The following FRMD4A variants were observed in gnomAD, a reference collection of about 807,000 sequenced individuals.
The protein encoded by FRMD4A is FERM domain containing 4A, also known as FERM domain-containing protein 4A.
FRMD4A carries 29 observed loss-of-function variants against 129.1 expected under a neutral mutation model. The ratio of observed to expected loss-of-function variants is 0.22; its 90% CI spans 0.17 to 0.31. FRMD4A has a LOEUF of 0.31. FRMD4A is among the 10% of genes least tolerant of loss of function. The pLI is 1.00. For missense variants in FRMD4A, 1,272 were observed against 1,375.8 expected (o/e 0.92, Z 1.19); for synonymous variants, 634 against 571.6 (o/e 1.11, Z -1.56).
chr10:14,080,407 G>A (rs115449630), intron 2 of FRMD4A, among the ~76,000 whole-genome samples: 3,681 of 152,196 alleles, frequency 0.024, 53 homozygotes, highest in African/African-American at 0.05. Flanking sequence ...AGGGGTTAAT[G>A]TAGGAAGGGA....
intron 3 of FRMD4A, among the ~76,000 whole-genome samples, chr10:13,853,259 C>T (rs79449080): frequency 2.4e-4 from 37 of 152,224 alleles, no homozygotes; most frequent in African/African-American, 8.4e-4. Flanking sequence ...AAGGGCCGGG[C>T]GTGTTGGCAG....
chr10:14,309,971 A>T (rs947538835), intron 2 of FRMD4A, among the ~76,000 whole-genome samples: 2 of 151,294 alleles, frequency 1.3e-5, no homozygotes, highest in Non-Finnish European at 2.9e-5. Context: ...ACCCCCAGCA[A>T]GACTGGCCGT....
intron 2 of FRMD4A, chr10:14,097,163 A>AG (rs1837019443): frequency 1.1e-5 from 1 of 93,836 alleles, no homozygotes; most frequent in South Asian, 3.2e-4. Flanking sequence ...AAAAAAAAAA[A>AG]AAAAGAAAAG....
At chr10:14,053,081 A>G (rs1834340836) in intron 2 of FRMD4A, among the ~76,000 whole-genome samples, 1 of 152,182 alleles carries the variant, frequency 6.6e-6, no homozygotes, top group Non-Finnish European at 1.5e-5. Context: ...ACATCCTCCT[A>G]AGTGCTCCCA....
At chr10:13,671,969 G>A (rs188618032) in intron 16 of FRMD4A, among the ~76,000 whole-genome samples, 22 of 152,384 alleles carry the variant, frequency 1.4e-4, no homozygotes, top group Non-Finnish European at 2.2e-4. Flanking sequence ...TTTTGCGCAG[G>A]GCAGCCCAGG....
chr10:14,033,554 G>A (rs902938977), intron 2 of FRMD4A, among the ~76,000 whole-genome samples: 15 of 152,146 alleles, frequency 9.9e-5, no homozygotes, highest in African/African-American at 2.4e-4. Context: ...AGAGGCTGAG[G>A]CGAGTGGATC....
chr10:13,835,370 C>G (rs1201008104), intron 3 of FRMD4A, among the ~76,000 whole-genome samples: 1 of 152,128 alleles, frequency 6.6e-6, no homozygotes, highest in East Asian at 1.9e-4. Flanking sequence ...GGTTATATAC[C>G]TTTACATATA....
At chr10:14,243,891 A>G (rs1423159170) in intron 2 of FRMD4A, among the ~76,000 whole-genome samples, 1 of 151,812 alleles carries the variant, frequency 6.6e-6, no homozygotes, top group Non-Finnish European at 1.5e-5. Context: ...TCAAATAGGC[A>G]TTAAGAAGAA....
At chr10:13,942,264 ACT>A (rs2095298127) in intron 2 of FRMD4A, among the ~76,000 whole-genome samples, 1 of 152,204 alleles carries the variant, frequency 6.6e-6, no homozygotes, top group Non-Finnish European at 1.5e-5. Flanking sequence ...CATCGCAGGC[ACT>A]GTCTTGACAT....
intron 17 of FRMD4A, among the ~76,000 whole-genome samples, chr10:13,669,057 GTTT>G (rs56706198): frequency 1.9e-4 from 19 of 97,460 alleles, no homozygotes; most frequent in African/African-American, 6.4e-4. Flanking sequence ...CTGAGCTTTA[GTTT>G]TTTTTTTTTT....
At chr10:14,213,177 C>G (rs6602716) in intron 2 of FRMD4A, among the ~76,000 whole-genome samples, 150,593 of 152,302 alleles carry the variant, frequency 0.99, 74,472 homozygotes, top group East Asian at 1. Context: ...CTGGGAATTG[C>G]AGGCTGCAGT....
At chr10:14,065,915 CCT>C (rs1190052176) in intron 2 of FRMD4A, among the ~76,000 whole-genome samples, 1 of 152,024 alleles carries the variant, frequency 6.6e-6, no homozygotes, top group Non-Finnish European at 1.5e-5. Context: ...GTCCTAGCCC[CCT>C]GTTATCCTTG....
At chr10:14,299,352 C>G (rs1029277938) in intron 2 of FRMD4A, among the ~76,000 whole-genome samples, 1 of 152,120 alleles carries the variant, frequency 6.6e-6, no homozygotes, top group Non-Finnish European at 1.5e-5. Flanking sequence ...TGGGGAGAAG[C>G]TATTGAGTAG....
intron 2 of FRMD4A, among the ~76,000 whole-genome samples, chr10:13,923,780 A>G (rs755826527): frequency 5.3e-5 from 8 of 152,192 alleles, no homozygotes; most frequent in Non-Finnish European, 1.0e-4. Context: ...GTCCTAACAG[A>G]TTGCTAAAGA....
intron 20 of FRMD4A, 47 bp downstream of exon 20, chr10:13,660,269 G>T: frequency 8.3e-7 from 1 of 1,200,322 alleles, no homozygotes; most frequent in South Asian, 1.2e-5. Flanking sequence ...GATTCTTCCA[G>T]AGCATAGAGG....
chr10:13,822,214 C>T (rs6602685), intron 3 of FRMD4A, among the ~76,000 whole-genome samples: 72,929 of 151,998 alleles, frequency 0.48, 17,882 homozygotes, highest in East Asian at 0.59. Context: ...ATTTTTGTAG[C>T]GAGAACATTT....
chr10:14,075,020 A>ACT, intron 2 of FRMD4A, among the ~76,000 whole-genome samples: 1 of 151,690 alleles, frequency 6.6e-6, no homozygotes. Flanking sequence ...AATCAAAGAA[A>ACT]GATGTCCTTA....
chr10:13,921,210 C>G (rs1481618656), intron 2 of FRMD4A, among the ~76,000 whole-genome samples: 1 of 133,552 alleles, frequency 7.5e-6, no homozygotes, highest in African/African-American at 2.8e-5. Context: ...TTTTCTCTCT[C>G]TTTTTCTTTC....
intron 16 of FRMD4A, among the ~76,000 whole-genome samples, chr10:13,672,795 C>G (rs192089631): frequency 1.3e-4 from 20 of 152,234 alleles, no homozygotes; most frequent in Middle Eastern, 3.4e-3. Context: ...GATGCAGGAA[C>G]AGCACAGATT....
Sources: gnomAD v4.1 joint callset for allele counts (sites outside exome capture counted in the v4.1 genomes callset) on GRCh38, gnomAD v4.1.1 for gene constraint, MANE v1.5 for transcripts, NCBI Gene and HGNC (gene_info 2026-07-23, HGNC 2026-07-21) for gene names.